Variants in XRCC4 observed in about 807,000 individuals in gnomAD.
The protein encoded by XRCC4 is X-ray repair cross complementing 4.
Under a neutral mutation model 39.1 loss-of-function variants are expected in XRCC4, and 28 were observed. That is an observed-to-expected ratio of 0.72 (90% CI 0.53 to 0.98). The LOEUF is 0.98. Among genes scored for constraint, XRCC4 ranks in the 50% least tolerant of loss-of-function variants. XRCC4 has a pLI of 0.00. For missense variants in XRCC4, 350 were observed against 376.4 expected (o/e 0.93, Z 0.58); for synonymous variants, 123 against 126.4 (o/e 0.97, Z 0.18).
At chr5:83,171,448 G>T (rs968067999) in intron 3 of XRCC4, among the ~76,000 whole-genome samples, 4 of 151,870 alleles carry the variant, frequency 2.6e-5, no homozygotes, top group African/African-American at 9.7e-5. Flanking sequence ...CATTTTAAAT[G>T]AACTTCCAAC....
At chr5:83,166,932 G>T (rs1032139393) in intron 3 of XRCC4, among the ~76,000 whole-genome samples, 1 of 151,484 alleles carries the variant, frequency 6.6e-6, no homozygotes, top group East Asian at 1.9e-4. Flanking sequence ...CCCAGACTGG[G>T]GTGCGGTGAC....
At chr5:83,314,227 T>G (rs1483076821) in intron 7 of XRCC4, among the ~76,000 whole-genome samples, 1 of 152,116 alleles carries the variant, frequency 6.6e-6, no homozygotes. Flanking sequence ...TTATAACCCT[T>G]TCTCTAACAA....
At chr5:83,177,497 A>G (rs1580333162) in intron 3 of XRCC4, among the ~76,000 whole-genome samples, 1 of 139,424 alleles carries the variant, frequency 7.2e-6, no homozygotes, top group Admixed American at 7.4e-5. Flanking sequence ...GGGTCTTATT[A>G]TATGAAGGGC....
intron 3 of XRCC4, among the ~76,000 whole-genome samples, chr5:83,131,226 T>C (rs1233004598): frequency 6.6e-6 from 1 of 152,216 alleles, no homozygotes; most frequent in East Asian, 1.9e-4. Context: ...TTTTGTTATT[T>C]ACCCGTAGTC....
chr5:83,131,368 A>G (rs1747570040), intron 3 of XRCC4, among the ~76,000 whole-genome samples: 1 of 152,082 alleles, frequency 6.6e-6, no homozygotes, highest in Non-Finnish European at 1.5e-5. Context: ...TTTGGGGTGG[A>G]GAGTTCTGTA....
intron 6 of XRCC4, among the ~76,000 whole-genome samples, chr5:83,231,024 G>C (rs1401006200): frequency 6.6e-6 from 1 of 151,936 alleles, no homozygotes; most frequent in Non-Finnish European, 1.5e-5. Context: ...TCTGATTTCA[G>C]TGTCAGGATT....
At chr5:83,231,579 A>G (rs1220290207) in intron 6 of XRCC4, among the ~76,000 whole-genome samples, 1 of 152,052 alleles carries the variant, frequency 6.6e-6, no homozygotes. Flanking sequence ...ATGTTGACAC[A>G]TTTGGACTCT....
intron 3 of XRCC4, among the ~76,000 whole-genome samples, chr5:83,186,295 G>A (rs1750435007): frequency 6.6e-6 from 1 of 152,058 alleles, no homozygotes; most frequent in South Asian, 2.1e-4. Flanking sequence ...GAATTTTGAG[G>A]AGAACATTCT....
intron 7 of XRCC4, among the ~76,000 whole-genome samples, chr5:83,285,701 A>AG (rs1378564493): frequency 1.3e-5 from 2 of 152,104 alleles, no homozygotes; most frequent in African/African-American, 2.4e-5. Flanking sequence ...ATATCGGTCA[A>AG]GGGGGGGTTG....
chr5:83,193,857 A>C (rs994182039), intron 3 of XRCC4, among the ~76,000 whole-genome samples: 3 of 152,052 alleles, frequency 2.0e-5, no homozygotes, highest in Non-Finnish European at 4.4e-5. Flanking sequence ...AAGTAAGCTT[A>C]TTTTTTTCTC....
downstream of XRCC4, among the ~76,000 whole-genome samples, chr5:83,355,780 G>A (rs1368227465): frequency 6.6e-6 from 1 of 152,092 alleles, no homozygotes; most frequent in Non-Finnish European, 1.5e-5. Context: ...GTTTTTACAG[G>A]CATGTGCCAC....
the XRCC4 span, among the ~76,000 whole-genome samples, chr5:83,368,491 A>G: frequency 6.6e-6 from 1 of 152,236 alleles, no homozygotes; most frequent in South Asian, 2.1e-4. Flanking sequence ...GCTGGTGACT[A>G]ACTAACCGCT....
rs533141222 is a variant in XRCC4 at position 83,260,125 on chromosome 5, C to T, written c.893+1448C>T. On this transcript the variant is annotated intron_variant, in intron 7 of 7. Coordinates refer to ENST00000396027, the MANE Select transcript of XRCC4 (RefSeq NM_003401.5). ...AACCCATTGTGCACTAAATTCTTTC[C>T]GGTTTGTGTTTATCATTTGAATTTA... Among the ~76,000 whole-genome samples the T allele has an allele frequency of 4.4e-4, 67 of 152,090 alleles. 1 individual carries two copies. In the South Asian group the frequency reaches 5.8e-3, roughly 13 times the overall value.
At chr5:83,362,414 C>G in the XRCC4 span, among the ~76,000 whole-genome samples, 4 of 151,494 alleles carry the variant, frequency 2.6e-5, no homozygotes. Context: ...ATAGTGACCA[C>G]AACTGGTTGT....
At chr5:83,354,343 G>A (rs13358544), downstream of XRCC4, among the ~76,000 whole-genome samples, 720 of 152,224 alleles carry the variant, frequency 4.7e-3, 3 homozygotes, top group Non-Finnish European at 7.5e-3. Context: ...ATTATCAGCC[G>A]TCTTCTCTTC....
At chr5:83,289,091 G>A (rs75332882) in intron 7 of XRCC4, among the ~76,000 whole-genome samples, 3,596 of 151,822 alleles carry the variant, frequency 0.024, 69 homozygotes, top group Admixed American at 0.039. Context: ...TTCTGTTACA[G>A]TGCTTTTGAT....
intron 7 of XRCC4, among the ~76,000 whole-genome samples, chr5:83,274,002 C>G (rs1016010145): frequency 1.3e-5 from 2 of 151,862 alleles, no homozygotes; most frequent in Non-Finnish European, 2.9e-5. Flanking sequence ...GGGCTCACCA[C>G]TATGTGAGCA....
intron 6 of XRCC4, among the ~76,000 whole-genome samples, chr5:83,215,996 A>C (rs1198936900): frequency 6.6e-6 from 1 of 152,196 alleles, no homozygotes; most frequent in Non-Finnish European, 1.5e-5. Flanking sequence ...TCTGCACTTC[A>C]AAAAGGTATC....
chr5:83,262,066 A>AG (rs992300502), intron 7 of XRCC4, among the ~76,000 whole-genome samples: 1 of 152,166 alleles, frequency 6.6e-6, no homozygotes, highest in African/African-American at 2.4e-5. Context: ...AAGGTATAGA[A>AG]GGAGAGAGAG....
Sources: allele counts gnomAD v4.1 joint callset (sites outside exome capture counted in the v4.1 genomes callset), GRCh38; gene constraint gnomAD v4.1.1; transcripts MANE v1.5; gene names NCBI Gene and HGNC (gene_info 2026-07-23, HGNC 2026-07-21).